The following MTHFD1L variants were observed in gnomAD, a reference collection of about 807,000 sequenced individuals.
The protein encoded by MTHFD1L is monofunctional C1-tetrahydrofolate synthase, mitochondrial.
A neutral mutation model predicts 119.5 loss-of-function variants in MTHFD1L; 81 were observed. The observed-to-expected ratio is 0.68, with a 90% confidence interval of 0.57 to 0.82. The LOEUF (loss-of-function observed/expected upper bound fraction) is 0.82, where lower values mean the gene tolerates loss of function less well. Among genes scored for constraint, MTHFD1L ranks in the 40% least tolerant of loss-of-function variants. MTHFD1L has a pLI of 0.00. For missense variants in MTHFD1L, 1,125 were observed against 1,253.4 expected (o/e 0.90, Z 1.55); for synonymous variants, 430 against 475.2 (o/e 0.90, Z 1.24).
intron 20 of MTHFD1L, among the ~76,000 whole-genome samples, chr6:150,999,005 C>CATAT (rs1002752427): frequency 7.1e-6 from 1 of 140,610 alleles, no homozygotes; most frequent in Non-Finnish European, 1.5e-5. Flanking sequence ...AATATATATA[C>CATAT]ATATATATAT....
At chr6:150,910,895 A>T (rs1448863078) in intron 8 of MTHFD1L, among the ~76,000 whole-genome samples, 1 of 152,226 alleles carries the variant, frequency 6.6e-6, no homozygotes. Flanking sequence ...GAAATTCTGA[A>T]CATGTAAGAA....
At chr6:150,875,643 C>T (rs564900057) in intron 1 of MTHFD1L, among the ~76,000 whole-genome samples, 8 of 151,950 alleles carry the variant, frequency 5.3e-5, no homozygotes, top group Middle Eastern at 3.4e-3. Context: ...ACAGTGAGCC[C>T]CCTGTCTTCA....
chr6:151,012,726 T>C (rs1163655564), intron 21 of MTHFD1L, among the ~76,000 whole-genome samples: 1 of 152,086 alleles, frequency 6.6e-6, no homozygotes. Flanking sequence ...TGTGTATATA[T>C]AGAGAAAGAT....
intron 26 of MTHFD1L, among the ~76,000 whole-genome samples, chr6:151,058,345 G>C (rs1285075252): frequency 2.0e-5 from 3 of 152,138 alleles, no homozygotes; most frequent in Admixed American, 6.5e-5. Flanking sequence ...ACTGATGCTC[G>C]GGCTCTGTCA....
In MTHFD1L at chr6:150,904,631, C is replaced by T. The variant is rs189231261; in HGVS notation, c.781-1019C>T. 2.6e-5 allele frequency among the ~76,000 whole-genome samples: 4 copies of T among 152,222 alleles called. No individual in the cohort carries two copies. The East Asian group carries it at 5.8e-4, about 22-fold the overall frequency. Reference sequence around the variant, plus strand: ...TCACCCCTCCCTCTGCATAGGGATCCAGTTTGAAATCATCAGTTGCTCAGT... The same window carrying T: ...TCACCCCTCCCTCTGCATAGGGATCTAGTTTGAAATCATCAGTTGCTCAGT... On this transcript the variant is annotated intron_variant, in intron 7 of 27. Coordinates refer to ENST00000367321, the MANE Select transcript of MTHFD1L (RefSeq NM_015440.5).
Position 150,990,254 on chromosome 6 carries a change from G to A in MTHFD1L, c.2125+18196G>A, listed in dbSNP as rs1022247036. On this transcript the variant is annotated intron_variant, in intron 20 of 27. Transcript: ENST00000367321. ...AGATTGTACCACTGCACTCCAGCCC[G>A]GCGACGGAGTGAGATTCTGTCTCAA... Among the ~76,000 whole-genome samples the A allele has an allele frequency of 4.6e-5, 7 of 151,406 alleles. No individual in the cohort carries two copies. In the East Asian group the frequency reaches 7.9e-4, roughly 17 times the overall value.
At chr6:151,069,138 G>T (rs1248060068) in intron 26 of MTHFD1L, among the ~76,000 whole-genome samples, 1 of 152,156 alleles carries the variant, frequency 6.6e-6, no homozygotes. Flanking sequence ...ATGGAATGCA[G>T]TGAGTACTTA....
intron 20 of MTHFD1L, among the ~76,000 whole-genome samples, chr6:151,004,122 C>T (rs1477782378): frequency 1.3e-5 from 2 of 151,562 alleles, no homozygotes; most frequent in African/African-American, 4.9e-5. Flanking sequence ...ACGGGCAGAT[C>T]ATTTGAGGTC....
At chr6:150,882,692 T>C (rs922170464) in intron 4 of MTHFD1L, 70 bp from the exon 5 acceptor site, 2 of 1,170,970 alleles carry the variant, frequency 1.7e-6, no homozygotes, top group Non-Finnish European at 2.3e-6. Context: ...ACTTTTTATA[T>C]AAAGCTTCCT....
intron 21 of MTHFD1L, among the ~76,000 whole-genome samples, chr6:151,012,016 CAACAAAAAAAAA>C (rs1782309518): frequency 3.6e-5 from 1 of 27,600 alleles, no homozygotes; most frequent in East Asian, 9.9e-4. Context: ...ACAACAACAA[CAACAAAAAAAAA>C]AAAAAAAAAA....
chr6:150,923,621 G>A (rs1297779028), intron 10 of MTHFD1L, among the ~76,000 whole-genome samples: 14 of 140,720 alleles, frequency 9.9e-5, no homozygotes, highest in Admixed American at 1.5e-4. Context: ...CACCTGCCTC[G>A]GCCTACCAAA....
intron 26 of MTHFD1L, among the ~76,000 whole-genome samples, chr6:151,041,311 G>C (rs1249245885): frequency 1.3e-5 from 2 of 152,320 alleles, no homozygotes; most frequent in East Asian, 3.9e-4. Context: ...TCTGGGCCTT[G>C]CCACAGTCTG....
intron 9 of MTHFD1L, among the ~76,000 whole-genome samples, chr6:150,920,989 T>G (rs1788819696): frequency 7.3e-6 from 1 of 136,322 alleles, no homozygotes; most frequent in African/African-American, 2.8e-5. Context: ...TTAGCTCTTG[T>G]TGCCCAGGCT....
chr6:151,088,105 T>C (rs1219839677), intron 26 of MTHFD1L: 2 of 151,996 alleles, frequency 1.3e-5, no homozygotes, highest in African/African-American at 2.4e-5. Flanking sequence ...TTGATAACAG[T>C]TTTTTTTATT....
chr6:151,017,123 A>G (rs1291185380), intron 24 of MTHFD1L, among the ~76,000 whole-genome samples: 1 of 151,910 alleles, frequency 6.6e-6, no homozygotes, highest in East Asian at 1.9e-4. Flanking sequence ...GTACATTCAC[A>G]TTGTCATGCA....
At chr6:150,947,694 GA>G (rs34233526) in intron 15 of MTHFD1L, among the ~76,000 whole-genome samples, 42,946 of 151,780 alleles carry the variant, frequency 0.28, 7,038 homozygotes, top group East Asian at 0.43. Context: ...ATTTGTATTT[GA>G]AAAACTAAAG....
intron 11 of MTHFD1L, among the ~76,000 whole-genome samples, chr6:150,936,354 C>A (rs943138378): frequency 2.0e-4 from 30 of 152,172 alleles, no homozygotes; most frequent in African/African-American, 6.8e-4. Flanking sequence ...CCTTCTAATC[C>A]TGAGAGTCTG....
At chr6:150,962,914 C>CTTTTTTTTTTTTTTTTTT (rs4035893) in intron 18 of MTHFD1L, among the ~76,000 whole-genome samples, 14 of 114,148 alleles carry the variant, frequency 1.2e-4, no homozygotes, top group African/African-American at 2.7e-4. Context: ...CTTTTCTTTT[C>CTTTTTTTTTTTTTTTTTT]TTTTTTTTTT....
chr6:150,932,161 CAAAA>C (rs5880902), intron 11 of MTHFD1L, among the ~76,000 whole-genome samples: 8 of 39,474 alleles, frequency 2.0e-4, no homozygotes, highest in Admixed American at 4.5e-4. Flanking sequence ...GACTCCATCT[CAAAA>C]AAAAAAAAAA....
Sources: gnomAD v4.1 joint callset for allele counts (sites outside exome capture counted in the v4.1 genomes callset) on GRCh38, gnomAD v4.1.1 for gene constraint, MANE v1.5 for transcripts, NCBI Gene and HGNC (gene_info 2026-07-23, HGNC 2026-07-21) for gene names.